FBXO4: variants seen among roughly 807,000 people sequenced by gnomAD.
FBXO4 encodes F-box protein 4.
Under a neutral mutation model 43.7 loss-of-function variants are expected in FBXO4, and 36 were observed. The ratio of observed to expected loss-of-function variants is 0.82; its 90% CI spans 0.63 to 1.09. The LOEUF is 1.09. Among genes scored for constraint, FBXO4 ranks in the 50% least tolerant of loss-of-function variants. The probability of loss-of-function intolerance (pLI) is 0.00; values close to 1 mark genes in which losing one functional copy is unlikely to be tolerated. For missense variants in FBXO4, 435 were observed against 474.1 expected (o/e 0.92, Z 0.77); for synonymous variants, 180 against 165.6 (o/e 1.09, Z -0.67).
the FBXO4 span, among the ~76,000 whole-genome samples, chr5:41,990,345 T>C: frequency 2.0e-5 from 3 of 152,204 alleles, no homozygotes; most frequent in Non-Finnish European, 4.4e-5. Flanking sequence ...ATTCAGCCTA[T>C]ATAGAATAAA....
the FBXO4 span, among the ~76,000 whole-genome samples, chr5:41,974,214 T>C: frequency 6.6e-6 from 1 of 152,232 alleles, no homozygotes; most frequent in Non-Finnish European, 1.5e-5. Context: ...TGTAATTATC[T>C]TTCCTGGTGT....
At chr5:41,997,144 C>G in the FBXO4 span, among the ~76,000 whole-genome samples, 1 of 152,296 alleles carries the variant, frequency 6.6e-6, no homozygotes, top group Admixed American at 6.5e-5. Flanking sequence ...AAGTCATTTG[C>G]CAAGTTAATG....
At chr5:41,939,153 T>C (rs1751930515) in intron 5 of FBXO4, 1 of 223,848 alleles carries the variant, frequency 4.5e-6, no homozygotes, top group Non-Finnish European at 8.8e-6. Flanking sequence ...TTGAGATTGT[T>C]GGTATTCATA....
At chr5:42,036,413 G>A in the FBXO4 span, among the ~76,000 whole-genome samples, 6 of 152,048 alleles carry the variant, frequency 3.9e-5, no homozygotes, top group Non-Finnish European at 8.8e-5. Context: ...CGTTTGATTG[G>A]AAAACAGCAC....
the FBXO4 span, among the ~76,000 whole-genome samples, chr5:41,992,561 T>C: frequency 6.6e-6 from 1 of 152,226 alleles, no homozygotes; most frequent in Admixed American, 6.5e-5. Flanking sequence ...AGGCAAATGG[T>C]AGACTGCTTG....
At chr5:41,930,725 T>A (rs1751662035) in intron 3 of FBXO4, among the ~76,000 whole-genome samples, 1 of 151,462 alleles carries the variant, frequency 6.6e-6, no homozygotes, top group African/African-American at 2.4e-5. Context: ...TGGAGTGCAG[T>A]GGCGCGATCT....
chr5:41,947,058 G>C, the FBXO4 span, among the ~76,000 whole-genome samples: 1 of 152,126 alleles, frequency 6.6e-6, no homozygotes, highest in Admixed American at 6.5e-5. Flanking sequence ...CTATTGTATT[G>C]AATAAATAGG....
the FBXO4 span, among the ~76,000 whole-genome samples, chr5:42,004,125 T>C: frequency 3.3e-5 from 5 of 152,088 alleles, no homozygotes; most frequent in African/African-American, 9.7e-5. Flanking sequence ...TATCACAAGG[T>C]TTTCTGTATT....
the FBXO4 span, among the ~76,000 whole-genome samples, chr5:41,983,862 A>G: frequency 1.3e-5 from 2 of 151,952 alleles, no homozygotes; most frequent in Non-Finnish European, 2.9e-5. Flanking sequence ...TTTAAATTAT[A>G]TATTTTTTAG....
At chr5:41,941,024 AT>A (rs997801959) in intron 6 of FBXO4, among the ~76,000 whole-genome samples, 167 bp from the exon 7 acceptor site, 6 of 152,194 alleles carry the variant, frequency 3.9e-5, no homozygotes, top group Admixed American at 3.3e-4. Flanking sequence ...AGATGATCAT[AT>A]TTTTATCTAA....
intron 3 of FBXO4, among the ~76,000 whole-genome samples, chr5:41,930,571 A>G (rs1436540096): frequency 3.3e-5 from 5 of 152,210 alleles, no homozygotes; most frequent in Non-Finnish European, 7.3e-5. Context: ...ATGATGTCTC[A>G]TATGAGTCAC....
the FBXO4 span, among the ~76,000 whole-genome samples, chr5:42,007,882 T>G: frequency 6.6e-6 from 1 of 152,064 alleles, no homozygotes; most frequent in African/African-American, 2.4e-5. Context: ...AGTATTCGCA[T>G]AGGAAAAGAT....
the FBXO4 span, among the ~76,000 whole-genome samples, chr5:41,953,517 T>C: frequency 1.3e-5 from 2 of 152,170 alleles, no homozygotes; most frequent in Admixed American, 6.6e-5. Flanking sequence ...TACCCAGTAA[T>C]GGGATGGCTG....
chr5:41,936,031 C>A (rs1321592283), intron 5 of FBXO4, among the ~76,000 whole-genome samples: 1 of 152,222 alleles, frequency 6.6e-6, no homozygotes, highest in African/African-American at 2.4e-5. Context: ...CAGCCTACTG[C>A]ATTAATACCC....
chr5:41,998,773 A>C, the FBXO4 span, among the ~76,000 whole-genome samples: 2 of 152,148 alleles, frequency 1.3e-5, no homozygotes, highest in African/African-American at 2.4e-5. Flanking sequence ...GAAACTATGC[A>C]TGCACCTTTG....
chr5:41,972,729 A>G, the FBXO4 span, among the ~76,000 whole-genome samples: 1 of 152,178 alleles, frequency 6.6e-6, no homozygotes, highest in South Asian at 2.1e-4. Context: ...AAATAGACAC[A>G]TAAAACCAAT....
chr5:41,947,455 A>G, the FBXO4 span, among the ~76,000 whole-genome samples: 386 of 152,372 alleles, frequency 2.5e-3, 2 homozygotes, highest in Non-Finnish European at 4.5e-3. Context: ...GCAGGTTAGC[A>G]TGGTTTAGAA....
At chr5:41,976,099 C>A in the FBXO4 span, among the ~76,000 whole-genome samples, 2 of 152,102 alleles carry the variant, frequency 1.3e-5, no homozygotes, top group African/African-American at 2.4e-5. Context: ...GGGGACAGTG[C>A]TAAGCCATTC....
intron 2 of FBXO4, 110 bp downstream of exon 2, chr5:41,927,358 G>T (rs987813702): frequency 3.8e-6 from 3 of 783,958 alleles, no homozygotes; most frequent in Admixed American, 3.1e-5. Flanking sequence ...GTGGATTTGG[G>T]GTCTAATTGT....
Sources: allele counts gnomAD v4.1 joint callset (sites outside exome capture counted in the v4.1 genomes callset), GRCh38; gene constraint gnomAD v4.1.1; transcripts MANE v1.5; gene names NCBI Gene and HGNC (gene_info 2026-07-23, HGNC 2026-07-21).